The following RYR1 variants were observed in gnomAD, a reference collection of about 807,000 sequenced individuals.
RYR1 encodes ryanodine receptor 1.
In RYR1, 342 loss-of-function variants were observed where a neutral mutation model predicts 583.5. The observed-to-expected ratio is 0.59, with a 90% CI of 0.54 to 0.64. The LOEUF (loss-of-function observed/expected upper bound fraction) is 0.64, where lower values mean the gene tolerates loss of function less well. Among genes scored for constraint, RYR1 ranks in the 30% least tolerant of loss-of-function variants. The pLI is 0.00. For synonymous variants in RYR1, 2,791 were observed against 2,822.5 expected, an observed-to-expected ratio of 0.99 and a Z score of 0.35; for missense variants, 6,032 against 6,917.2, an observed-to-expected ratio of 0.87 and a Z score of 4.54.
intron 16 of RYR1, among the ~76,000 whole-genome samples, chr19:38,457,254 A>G (rs998665155): frequency 2.6e-5 from 4 of 151,622 alleles, no homozygotes; most frequent in African/African-American, 4.9e-5. Flanking sequence ...CCTTCCTTAC[A>G]TTGCTGATAC....
At chr19:38,546,377 G>T in intron 87 of RYR1, 68 bp from the exon 88 acceptor site, 14 of 1,382,992 alleles carry the variant, frequency 1.0e-5, no homozygotes, top group Non-Finnish European at 1.4e-5. Flanking sequence ...TAGGTGAGGA[G>T]GGGGAGAAGC....
intron 87 of RYR1, among the ~76,000 whole-genome samples, chr19:38,544,278 TGC>T (rs966295592): frequency 7.2e-5 from 11 of 152,236 alleles, no homozygotes; most frequent in African/African-American, 2.7e-4. Context: ...TTATCTTACT[TGC>T]GGCAGATGAC....
In RYR1 at chr19:38,483,463, G is replaced by A; in HGVS notation, c.4881G>A (p.Val1627=). The A allele has an allele frequency of 6.4e-7, 1 of 1,567,204 alleles. No individual in the cohort carries two copies. Among genetic ancestry groups the A allele is most frequent in the Non-Finnish European group, 8.6e-7 (1 of 1,159,910 alleles). ...CCGGCGAGCGGCTGGGCTGGGCCGT[G>A]CAGTGCCAGGAGCCGCTGACCATGA... ...RRAGERLGWA[V]QCQEPLTMMA... Residue 1627 remains valine (V), a synonymous_variant, in exon 33 of 106, where the codon GTG becomes GTA. Coordinates refer to ENST00000359596, the MANE Select transcript of RYR1 (RefSeq NM_000540.3). This position sits in a 1 kb window ranked among gnomAD's most constrained non-coding sequence, Gnocchi z 6.3.
chr19:38,554,546 A>T (rs1156453927), intron 89 of RYR1, among the ~76,000 whole-genome samples: 2 of 151,752 alleles, frequency 1.3e-5, no homozygotes, highest in South Asian at 2.1e-4. Context: ...ATCTTCATTG[A>T]TGAAGTACTT....
At chr19:38,463,289 G>A (rs1201495039) in intron 20 of RYR1, 134 bp from the exon 21 acceptor site, 9 of 722,832 alleles carry the variant, frequency 1.2e-5, no homozygotes, top group Non-Finnish European at 2.2e-5. Flanking sequence ...GGGATGGGGA[G>A]CAGGGCTGCT....
intron 20 of RYR1, among the ~76,000 whole-genome samples, 171 bp downstream of exon 20, chr19:38,460,762 G>C (rs1967694116): frequency 6.6e-6 from 1 of 152,212 alleles, no homozygotes; most frequent in African/African-American, 2.4e-5. Context: ...TGGATCACCT[G>C]AGGTCAGGAG....
At chr19:38,475,077 G>A (rs1370049304) in intron 28 of RYR1, among the ~76,000 whole-genome samples, 1 of 152,164 alleles carries the variant, frequency 6.6e-6, no homozygotes, top group Non-Finnish European at 1.5e-5. Flanking sequence ...ATATAACCCA[G>A]TGGGGACCTC....
chr19:38,439,929 A>C (rs1308034275), intron 1 of RYR1, among the ~76,000 whole-genome samples: 2 of 152,228 alleles, frequency 1.3e-5, no homozygotes, highest in African/African-American at 4.8e-5. Context: ...AACAACACGC[A>C]AAAGAGAGAA....
chr19:38,523,480 C>T (rs1971315082), intron 69 of RYR1, 171 bp downstream of exon 69: 2 of 697,626 alleles, frequency 2.9e-6, no homozygotes, highest in Admixed American at 4.3e-5. Context: ...CAGCTCCTTC[C>T]TCCTCCTGTA....
chr19:38,587,491 G>T lies in RYR1; in HGVS notation c.*71G>T. On this transcript the variant is annotated 3_prime_UTR_variant, in exon 106 of 106. Coordinates refer to ENST00000359596, the MANE Select transcript of RYR1 (RefSeq NM_000540.3). Reference sequence around the variant, plus strand: ...TCACAGCAAGCCCCTTAGTCCCCAAGCCCCTCCCCCTAAGGCAGCTGGGGG... The same window carrying T: ...TCACAGCAAGCCCCTTAGTCCCCAATCCCCTCCCCCTAAGGCAGCTGGGGG... 9.1e-7 allele frequency: 1 copy of T among 1,101,250 alleles called. No individual in the cohort carries two copies. The allele number at this position is 1,101,250 out of a possible 1,614,324, so 68.2% of individuals were successfully genotyped here. A position where few individuals can be genotyped will look rare whatever the true frequency, so the allele number is the denominator to read the frequency against.
Position 38,467,641 on chromosome 19 carries a change from G to A in RYR1, c.3210G>A (p.Arg1070=). ...TGGAGAACCAGTCTCGTTGTGACCGGGTGCGCATCTTCCGGGCAGAGAAAT... is the reference window on the plus strand; with the variant it reads ...TGGAGAACCAGTCTCGTTGTGACCGAGTGCGCATCTTCCGGGCAGAGAAAT... The part of the protein sequence containing the change: ...SQVENQSRCD[R]VRIFRAEKSY... Residue 1070 remains arginine (R), a synonymous_variant, in exon 25 of 106, where the codon CGG becomes CGA. Transcript: ENST00000359596. The A allele has an allele frequency of 6.2e-7, 1 of 1,614,180 alleles. No individual in the cohort carries two copies. The highest frequency in any genetic ancestry group is 1.1e-5 in the South Asian group (1 of 91,088).
At chr19:38,468,432 A>G (rs1600717602) in intron 25 of RYR1, among the ~76,000 whole-genome samples, 2 of 152,044 alleles carry the variant, frequency 1.3e-5, no homozygotes, top group African/African-American at 2.4e-5. Flanking sequence ...TCTTCCCTCT[A>G]TCTGTCATCC....
chr19:38,439,833 A>G (rs999960574), intron 1 of RYR1, among the ~76,000 whole-genome samples: 2 of 152,226 alleles, frequency 1.3e-5, no homozygotes, highest in African/African-American at 4.8e-5. Context: ...TGGTACTTCC[A>G]GGATCCAGCC....
In RYR1 at chr19:38,444,067, C is replaced by G; in HGVS notation, c.425-82C>G. ...AGTTGTGGGCCAAGGGCCCGGGAGGCCTGGTGGAGGGAGAGCCCTGGGGAA... is the reference window on the plus strand; with the variant it reads ...AGTTGTGGGCCAAGGGCCCGGGAGGGCTGGTGGAGGGAGAGCCCTGGGGAA... On this transcript the variant is annotated intron_variant, in intron 5 of 105. Coordinates refer to ENST00000359596, the MANE Select transcript of RYR1 (RefSeq NM_000540.3). This position sits in a 1 kb window ranked among gnomAD's most constrained non-coding sequence, Gnocchi z 5.1. The G allele has an allele frequency of 8.2e-7, 1 of 1,219,032 alleles. No individual in the cohort carries two copies. The highest frequency in any genetic ancestry group is 1.2e-5 in the South Asian group (1 of 82,916). The allele number at this position is 1,219,032 out of a possible 1,614,324, so 75.5% of individuals were successfully genotyped here.
intron 20 of RYR1, among the ~76,000 whole-genome samples, chr19:38,462,708 C>A (rs977117740): frequency 2.6e-5 from 4 of 152,218 alleles, no homozygotes; most frequent in Admixed American, 1.3e-4. Flanking sequence ...GAAGGAGACT[C>A]CTCCATTCTT....
In RYR1 at chr19:38,464,864, G is replaced by A. The variant is rs145675775; in HGVS notation, c.2870+142G>A. ...CTTGGGTTAGGGTGAAGGTCATAGG[G>A]TCAGGGCTCTGGGGTCAGAGGTGAA... is the stretch of plus-strand genomic sequence containing the variant. On this transcript the variant is annotated intron_variant, in intron 23 of 105. Coordinates refer to ENST00000359596, the MANE Select transcript of RYR1 (RefSeq NM_000540.3). The A allele has an allele frequency of 8.7e-4, 615 of 708,330 alleles. 4 individuals carry two copies. The African/African-American group carries it at 9.5e-3, about 11-fold the overall frequency. 43.9% of individuals were successfully genotyped at this position (708,330 alleles called of 1,614,324 possible). A position where few individuals can be genotyped will look rare whatever the true frequency, so the allele number is the denominator to read the frequency against.
At chr19:38,464,576 G>T in intron 22 of RYR1, 63 bp from the exon 23 acceptor site, 1 of 1,411,820 alleles carries the variant, frequency 7.1e-7, no homozygotes, top group South Asian at 1.2e-5. Context: ...TGAGGCCGTG[G>T]GAGGAGACGG....
chr19:38,466,643 C>T (rs545653761), intron 24 of RYR1, among the ~76,000 whole-genome samples: 4 of 152,044 alleles, frequency 2.6e-5, no homozygotes, highest in East Asian at 1.9e-4. Flanking sequence ...CTGGGATTAC[C>T]GGCGGGTGCC....
rs751375149 is a variant in RYR1 at position 38,478,643 on chromosome 19, A to G, written c.4620+43A>G. On this transcript the variant is annotated intron_variant, in intron 31 of 105. Coordinates refer to ENST00000359596, the MANE Select transcript of RYR1 (RefSeq NM_000540.3). ...CAATTTAGCGAGAGCATCATGTCCC[A>G]GCATCCCAGGACAGCTCTTATAGAT... The G allele has an allele frequency of 3.1e-6, 5 of 1,600,050 alleles. No homozygotes were observed. The Admixed American group carries it at 5.0e-5, about 16-fold the overall frequency.
Sources: gnomAD v4.1 joint callset for allele counts (sites outside exome capture counted in the v4.1 genomes callset) on GRCh38, gnomAD v4.1.1 for gene constraint, Gnocchi (gnomAD v3.1) non-coding constraint, MANE v1.5 for transcripts, NCBI Gene and HGNC (gene_info 2026-07-23, HGNC 2026-07-21) for gene names.